RUFY3: variants seen among roughly 807,000 people sequenced by gnomAD.
The protein encoded by RUFY3 is protein RUFY3.
In RUFY3, 34 loss-of-function variants were observed where a neutral mutation model predicts 84.0. The observed-to-expected ratio is 0.40, with a 90% CI of 0.31 to 0.54. The LOEUF (loss-of-function observed/expected upper bound fraction) is 0.54. RUFY3 is among the 20% of genes least tolerant of loss of function. The pLI, the probability that RUFY3 is intolerant of heterozygous loss-of-function variation, is 0.39. For synonymous variants in RUFY3, 242 were observed against 252.9 expected, an observed-to-expected ratio of 0.96 and a Z score of 0.41; for missense variants, 507 against 736.8, an observed-to-expected ratio of 0.69 and a Z score of 3.61.
At chr4:70,802,096 A>C (rs1732302564) in intron 15 of RUFY3, among the ~76,000 whole-genome samples, 1 of 152,228 alleles carries the variant, frequency 6.6e-6, no homozygotes, top group Non-Finnish European at 1.5e-5. Flanking sequence ...ACTGAGAAGC[A>C]GAGAGGCTGG....
intron 1 of RUFY3, among the ~76,000 whole-genome samples, chr4:70,731,053 T>C (rs1719180806): frequency 6.6e-6 from 1 of 152,068 alleles, no homozygotes; most frequent in Admixed American, 6.5e-5. Context: ...TTTTTTTTTT[T>C]TTTTGAGACG....
chr4:70,705,136 T>A (rs1237142846), exon 1 of RUFY3: 1 of 1,450,566 alleles, frequency 6.9e-7, no homozygotes, highest in East Asian at 3.1e-5. Flanking sequence ...CCCTTCTTCC[T>A]GCTGTACCCC....
upstream of RUFY3, among the ~76,000 whole-genome samples, chr4:70,717,120 G>C (rs1741715620): frequency 6.6e-6 from 1 of 152,042 alleles, no homozygotes; most frequent in African/African-American, 2.4e-5. Flanking sequence ...GTTGAGCAAG[G>C]GTTTCAGGGA....
intron 1 of RUFY3, among the ~76,000 whole-genome samples, chr4:70,725,145 G>A (rs191461314): frequency 6.6e-6 from 1 of 152,228 alleles, no homozygotes; most frequent in East Asian, 1.9e-4. Flanking sequence ...AGGCTCTGTG[G>A]CTTCCATATT....
intron 14 of RUFY3, among the ~76,000 whole-genome samples, chr4:70,795,359 G>C (rs529971504): frequency 6.6e-6 from 1 of 151,916 alleles, no homozygotes; most frequent in African/African-American, 2.4e-5. Context: ...GGAACTTCTC[G>C]TGGGAATAAT....
In RUFY3 at chr4:70,724,108, T is replaced by G. The variant is rs143385875; in HGVS notation, c.178+1357T>G. Among the ~76,000 whole-genome samples, 45 of 152,340 alleles carry G rather than the reference T, an allele frequency of 3.0e-4. 2 individuals carry two copies. The East Asian group carries it at 7.7e-3, about 26-fold the overall frequency. ...TTATAAGACATCAGCTGAAATTCCA[T>G]GCAATGCCAGTACTATTTATTTTTT... On this transcript the variant is annotated intron_variant, in intron 1 of 17. Transcript: ENST00000381006.
upstream of RUFY3, among the ~76,000 whole-genome samples, chr4:70,721,251 G>A (rs953273562): frequency 4.0e-5 from 6 of 151,724 alleles, no homozygotes; most frequent in African/African-American, 1.5e-4. Flanking sequence ...CTGAGATCAC[G>A]CCACTGCACT....
chr4:70,773,279 CTG>C (rs1322973253), intron 5 of RUFY3, among the ~76,000 whole-genome samples: 1 of 152,170 alleles, frequency 6.6e-6, no homozygotes, highest in Non-Finnish European at 1.5e-5. Context: ...ATTCTGTTGA[CTG>C]TGTTAGTTGT....
intron 1 of RUFY3, among the ~76,000 whole-genome samples, chr4:70,711,725 G>C (rs1473049626): frequency 6.6e-6 from 1 of 152,192 alleles, no homozygotes; most frequent in Non-Finnish European, 1.5e-5. Flanking sequence ...TCTTGGTGCA[G>C]TTGGCTCCTT....
exon 1 of RUFY3, chr4:70,705,090 G>T: frequency 7.5e-7 from 1 of 1,341,356 alleles, no homozygotes. Flanking sequence ...GGCCTCCCCC[G>T]CCGGGCAGTC....
At chr4:70,791,699 GT>G in intron 12 of RUFY3, 3 of 1,004,292 alleles carry the variant, frequency 3.0e-6, no homozygotes, top group African/African-American at 1.7e-5. Context: ...CTGCAAGCCT[GT>G]TCTGCCATTG....
chr4:70,793,654 CA>C, intron 12 of RUFY3, 130 bp from the exon 13 acceptor site: 1 of 1,549,690 alleles, frequency 6.5e-7, no homozygotes, highest in East Asian at 2.3e-5. Context: ...CTGTGTCCTG[CA>C]AAGTTTTTTT....
intron 2 of RUFY3, 77 bp downstream of exon 2, chr4:70,762,769 T>G (rs1255639684): frequency 4.0e-6 from 5 of 1,235,788 alleles, no homozygotes. Context: ...AAGCATTCTT[T>G]GTGGAGCCAA....
chr4:70,802,030 C>G (rs551724044), intron 15 of RUFY3, among the ~76,000 whole-genome samples: 1 of 152,320 alleles, frequency 6.6e-6, no homozygotes, highest in South Asian at 2.1e-4. Context: ...TTTATTATCT[C>G]CTTATGATTC....
intron 7 of RUFY3, among the ~76,000 whole-genome samples, chr4:70,775,721 G>T (rs1408719793): frequency 1.3e-5 from 2 of 151,974 alleles, no homozygotes; most frequent in Non-Finnish European, 2.9e-5. Context: ...CAAGGCAGGA[G>T]GATTGCTTTA....
In RUFY3 at chr4:70,778,375, T is replaced by C. The variant is rs1463529757; in HGVS notation, c.831T>C (p.Thr277=). ...TTTCTTCTCTATATTATAGTGCTAC[T>C]GTAAACAACCTTCAGGCAAAAGTAG... ...VEELNRHLNA[T]VNNLQAKVDA... is the part of the protein sequence containing the mutation. The change falls in exon 8 of 18, where the codon ACT becomes ACC. Residue 277 remains threonine, a synonymous_variant. Coordinates refer to ENST00000381006, the MANE Select transcript of RUFY3 (RefSeq NM_001037442.4). The C allele has an allele frequency of 6.3e-7, 1 of 1,587,164 alleles. No individual in the cohort carries two copies. Among genetic ancestry groups the C allele is most frequent in the Non-Finnish European group, 8.6e-7 (1 of 1,156,368 alleles).
Position 70,808,596 on chromosome 4 carries a change from A to G in RUFY3, c.*1937A>G, listed in dbSNP as rs920301082. Reference sequence around the variant, plus strand: ...TGAAGTTTAAGAGTTCTGGGGAAAAATAAAATCTAGTAATTCCAGCCTAGT... The same window carrying G: ...TGAAGTTTAAGAGTTCTGGGGAAAAGTAAAATCTAGTAATTCCAGCCTAGT... On this transcript the variant is annotated 3_prime_UTR_variant, in exon 18 of 18. Coordinates refer to ENST00000381006, the MANE Select transcript of RUFY3 (RefSeq NM_001037442.4). Among the ~76,000 whole-genome samples, 5 of 152,300 alleles carry G rather than the reference A, an allele frequency of 3.3e-5. No homozygotes were observed. The highest frequency in any genetic ancestry group is 1.2e-4 in the African/African-American group (5 of 41,560).
At chr4:70,722,973 T>C (rs1717613664) in intron 1 of RUFY3, among the ~76,000 whole-genome samples, 1 of 152,254 alleles carries the variant, frequency 6.6e-6, no homozygotes, top group Non-Finnish European at 1.5e-5. Flanking sequence ...AGATGCTGGA[T>C]ACTCGTTTAG....
intron 1 of RUFY3, among the ~76,000 whole-genome samples, chr4:70,731,234 A>G (rs995518653): frequency 2.0e-5 from 3 of 151,610 alleles, no homozygotes; most frequent in Non-Finnish European, 4.4e-5. Flanking sequence ...AAGGGGTTTC[A>G]TCATGTTGGC....
Sources: allele counts gnomAD v4.1 joint callset (sites outside exome capture counted in the v4.1 genomes callset), GRCh38; gene constraint gnomAD v4.1.1; transcripts MANE v1.5; gene names NCBI Gene and HGNC (gene_info 2026-07-23, HGNC 2026-07-21).